The following TMEM63C variants were observed in gnomAD, a reference collection of about 807,000 sequenced individuals.
The protein encoded by TMEM63C is transmembrane protein 63C, also known as osmosensitive cation channel TMEM63C.
TMEM63C carries 32 observed loss-of-function variants against 99.2 expected under a neutral mutation model. The observed-to-expected ratio is 0.32, with a 90% CI of 0.24 to 0.43. TMEM63C has a LOEUF of 0.43. Ranked by LOEUF, TMEM63C falls within the 20% of genes least tolerant of loss-of-function variation. The pLI is 1.00. For missense variants in TMEM63C, 826 were observed against 1,053.0 expected (o/e 0.78, Z 2.98); for synonymous variants, 376 against 397.9 (o/e 0.94, Z 0.66).
chr14:77,254,392 C>T (rs1465862187), intron 23 of TMEM63C, among the ~76,000 whole-genome samples: 1 of 152,088 alleles, frequency 6.6e-6, no homozygotes, highest in Non-Finnish European at 1.5e-5. Flanking sequence ...TTTGAAAAAC[C>T]CTACACACAG....
rs1247609982 is a variant in TMEM63C at position 77,233,497 on chromosome 14, CA to C, written c.540del (p.Glu181ArgfsTer42). On this transcript the variant is annotated frameshift_variant and splice_region_variant, in exon 8 of 24. Coordinates refer to ENST00000298351, the MANE Select transcript of TMEM63C (RefSeq NM_020431.4). LOFTEE classifies it high-confidence loss of function. ...FARTTIVNVS[T>X]ESKLLWLHSL... ...CGGACCACCATTGTCAATGTCTCCA[CA>C]GAGTAGGTACCTGATCTTAACCTCC... The C allele has an allele frequency of 6.2e-7, 1 of 1,613,450 alleles. No homozygotes were observed. Among genetic ancestry groups the C allele is most frequent in the African/African-American group, 1.3e-5 (1 of 75,048 alleles).
At chr14:77,253,454 T>C in intron 23 of TMEM63C, 78 bp downstream of exon 23, 1 of 1,394,272 alleles carries the variant, frequency 7.2e-7, no homozygotes, top group African/African-American at 1.4e-5. Context: ...TTGTGGGGGA[T>C]GCCAGCTTTG....
At chr14:77,233,372 T>C in intron 7 of TMEM63C, 80 bp from the exon 8 acceptor site, 1 of 1,465,548 alleles carries the variant, frequency 6.8e-7, no homozygotes, top group Non-Finnish European at 9.4e-7. Flanking sequence ...ACCCCACGCA[T>C]TTGTCCAGGA....
At chr14:77,231,427 G>T (rs565306936) in intron 6 of TMEM63C, among the ~76,000 whole-genome samples, 161 bp from the exon 7 acceptor site, 2 of 151,802 alleles carry the variant, frequency 1.3e-5, no homozygotes, top group Non-Finnish European at 1.5e-5. Flanking sequence ...GAGATATAGG[G>T]CAATTTCGAA....
intron 1 of TMEM63C, among the ~76,000 whole-genome samples, chr14:77,209,061 T>A (rs1283068425): frequency 6.6e-6 from 1 of 152,068 alleles, no homozygotes; most frequent in Non-Finnish European, 1.5e-5. Flanking sequence ...TTCGATCCTA[T>A]GAAGAGGACA....
intron 1 of TMEM63C, among the ~76,000 whole-genome samples, chr14:77,194,379 TG>T (rs1888167809): frequency 1.1e-5 from 1 of 91,240 alleles, no homozygotes; most frequent in African/African-American, 3.3e-5. Flanking sequence ...TGTGTGTGTG[TG>T]TGTATGTTCA....
At position 77,256,919 on chromosome 14, in the gene TMEM63C, C is replaced by T; in HGVS notation, c.*193C>T. 1.7e-6 allele frequency: 1 copy of T among 597,210 alleles called. No homozygotes were observed. The highest frequency in any genetic ancestry group is 3.0e-6 in the Non-Finnish European group (1 of 338,622). 37.0% of individuals were successfully genotyped at this position (597,210 alleles called of 1,614,324 possible). ...TGCTGCCCGGCTGGAACTGGGGGTG[C>T]TCGGCAGTGCTGAAGGAGCCTGGGA... On this transcript the variant is annotated 3_prime_UTR_variant, in exon 24 of 24. Coordinates refer to ENST00000298351, the MANE Select transcript of TMEM63C (RefSeq NM_020431.4).
chr14:77,245,331 T>G (rs1187714178), intron 16 of TMEM63C, among the ~76,000 whole-genome samples: 2 of 152,160 alleles, frequency 1.3e-5, no homozygotes, highest in African/African-American at 4.8e-5. Context: ...CAGCTCACAG[T>G]GGTGTATGGA....
intron 12 of TMEM63C, 150 bp downstream of exon 12, chr14:77,239,876 T>C: frequency 2.5e-6 from 3 of 1,182,250 alleles, no homozygotes; most frequent in East Asian, 2.6e-5. Flanking sequence ...CCATCCACCA[T>C]GTCCTGCCTC....
At chr14:77,234,060 GA>G (rs1272282235) in intron 8 of TMEM63C, among the ~76,000 whole-genome samples, 2 of 152,186 alleles carry the variant, frequency 1.3e-5, no homozygotes, top group Non-Finnish European at 2.9e-5. Context: ...CACAGGCCAA[GA>G]ACCTGTGGGT....
chr14:77,239,875 A>T, intron 12 of TMEM63C, 149 bp downstream of exon 12: 1 of 1,179,732 alleles, frequency 8.5e-7, no homozygotes, highest in Non-Finnish European at 1.2e-6. Flanking sequence ...CCCATCCACC[A>T]TGTCCTGCCT....
Position 77,214,420 on chromosome 14 carries a change from C to T in TMEM63C, c.-14+912C>T, listed in dbSNP as rs146727585. ...CCAGCTCCTCGGTCTCCTCACCCTC[C>T]GACTGGGAGACTCCCCAGTCCAGCT... On this transcript the variant is annotated intron_variant, in intron 2 of 23. Coordinates refer to ENST00000298351, the MANE Select transcript of TMEM63C (RefSeq NM_020431.4). 1.5e-4 allele frequency among the ~76,000 whole-genome samples: 23 copies of T among 152,170 alleles called. No individual in the cohort carries two copies. The East Asian group carries it at 2.3e-3, about 15-fold the overall frequency.
At chr14:77,222,587 C>G (rs1888745138) in intron 5 of TMEM63C, among the ~76,000 whole-genome samples, 1 of 152,124 alleles carries the variant, frequency 6.6e-6, no homozygotes, top group Non-Finnish European at 1.5e-5. Context: ...GTAGTTTGGT[C>G]CATCCTCCCT....
At chr14:77,183,249 C>A (rs1378546274) in intron 1 of TMEM63C, among the ~76,000 whole-genome samples, 1 of 152,154 alleles carries the variant, frequency 6.6e-6, no homozygotes, top group African/African-American at 2.4e-5. Flanking sequence ...CACCAAAGGG[C>A]AGACTGGAGG....
intron 8 of TMEM63C, 44 bp from the exon 9 acceptor site, chr14:77,236,580 G>A (rs745526068): frequency 2.9e-6 from 4 of 1,396,338 alleles, no homozygotes; most frequent in East Asian, 4.6e-5. Flanking sequence ...GGGCTCTGGG[G>A]AGCTCACAGG....
chr14:77,258,784 GC>G lies in TMEM63C; in HGVS notation c.*2062del. On this transcript the variant is annotated 3_prime_UTR_variant, in exon 24 of 24. Transcript: ENST00000298351. ...CTTCTTTGCTGGACACAGCTCCCTG[GC>G]CCCTGCCCCCAGCCCCTGCAGCCCC... 1 of 152,748 alleles carries G rather than the reference GC, an allele frequency of 6.5e-6. No homozygotes were observed. The highest frequency in any genetic ancestry group is 1.5e-5 in the Non-Finnish European group (1 of 68,370). The allele number at this position is 152,748 out of a possible 1,614,324, so 9.5% of individuals were successfully genotyped here.
chr14:77,197,443 G>T (rs1888231808), intron 1 of TMEM63C, among the ~76,000 whole-genome samples: 2 of 152,180 alleles, frequency 1.3e-5, no homozygotes, highest in Admixed American at 6.5e-5. Flanking sequence ...GAGCCAGATG[G>T]GTTCACAACC....
Position 77,248,785 on chromosome 14 carries a change from C to T in TMEM63C, c.1783C>T (p.Gln595Ter). ...NIRKNQAIDF[Q>*]FGREYAWMMN... is the part of the protein sequence containing the mutation. ...GCCCCAGAACCAGGCCATAGACTTC[C>T]AGTTTGGGCGTGAGTATGCGTGGAT... The change falls in exon 20 of 24, where the codon CAG becomes TAG. Residue 595 changes from glutamine (Q) to a stop codon, truncating the protein, a stop_gained. Coordinates refer to ENST00000298351, the MANE Select transcript of TMEM63C (RefSeq NM_020431.4). LOFTEE classifies it high-confidence loss of function. The T allele has an allele frequency of 6.2e-7, 1 of 1,614,056 alleles. No individual in the cohort carries two copies. The highest frequency in any genetic ancestry group is 8.5e-7 in the Non-Finnish European group (1 of 1,179,900).
At chr14:77,222,393 C>T (rs921047204) in intron 5 of TMEM63C, among the ~76,000 whole-genome samples, 5 of 152,228 alleles carry the variant, frequency 3.3e-5, no homozygotes, top group African/African-American at 1.2e-4. Context: ...CTCCATCAGC[C>T]TCTTGCCTGG....
Sources: gnomAD v4.1 joint callset for allele counts (sites outside exome capture counted in the v4.1 genomes callset) on GRCh38, gnomAD v4.1.1 for gene constraint, MANE v1.5 for transcripts, NCBI Gene and HGNC (gene_info 2026-07-23, HGNC 2026-07-21) for gene names.